Variants in FBN2 observed in about 807,000 individuals in gnomAD.
FBN2 encodes fibrillin-2.
A neutral mutation model predicts 355.6 loss-of-function variants in FBN2; 105 were observed. The observed-to-expected ratio is 0.30, with a 90% CI of 0.25 to 0.35. The LOEUF is 0.35. Ranked by LOEUF, FBN2 falls within the 10% of genes least tolerant of loss-of-function variation. FBN2 has a pLI of 1.00. For synonymous variants in FBN2, 1,350 were observed against 1,301.2 expected, an observed-to-expected ratio of 1.04 and a Z score of -0.81; for missense variants, 3,280 against 3,758.7, an observed-to-expected ratio of 0.87 and a Z score of 3.33.
At chr5:128,342,649 A>G (rs568861802) in intron 25 of FBN2, among the ~76,000 whole-genome samples, 2 of 152,148 alleles carry the variant, frequency 1.3e-5, no homozygotes, top group Admixed American at 6.5e-5. Context: ...AAGGAGGGAA[A>G]AGAGGAGTTA....
intron 5 of FBN2, among the ~76,000 whole-genome samples, chr5:128,481,971 T>A (rs371609445): frequency 1.3e-5 from 2 of 152,194 alleles, no homozygotes; most frequent in African/African-American, 2.4e-5. Context: ...TATGTAATTA[T>A]ACATTTTGGG....
intron 5 of FBN2, among the ~76,000 whole-genome samples, chr5:128,510,227 T>C (rs1355136251): frequency 6.6e-6 from 1 of 151,978 alleles, no homozygotes; most frequent in Non-Finnish European, 1.5e-5. Flanking sequence ...ACACATAAAA[T>C]ACACTGACGA....
At chr5:128,309,480 A>C in intron 40 of FBN2, 81 bp from the exon 41 acceptor site, 1 of 1,215,072 alleles carries the variant, frequency 8.2e-7, no homozygotes, top group Non-Finnish European at 1.2e-6. Flanking sequence ...GTAGACATCA[A>C]GCTTTCCTGA....
At chr5:128,345,695 CTGG>C in intron 23 of FBN2, 111 bp from the exon 24 acceptor site, 1 of 960,168 alleles carries the variant, frequency 1.0e-6, no homozygotes, top group South Asian at 1.4e-5. Flanking sequence ...TTGCGGTGTA[CTGG>C]TGGGCAAGAT....
chr5:128,365,763 T>C (rs1357959992), intron 17 of FBN2, among the ~76,000 whole-genome samples: 2 of 151,126 alleles, frequency 1.3e-5, no homozygotes, highest in African/African-American at 4.8e-5. Flanking sequence ...AATGAATCTA[T>C]ATGTATATTA....
intron 15 of FBN2, among the ~76,000 whole-genome samples, chr5:128,370,514 C>A (rs1480815606): frequency 6.6e-6 from 1 of 152,148 alleles, no homozygotes; most frequent in Non-Finnish European, 1.5e-5. Flanking sequence ...GGAGTCAACT[C>A]AGAGAAACTT....
chr5:128,505,985 C>A lies in FBN2; in HGVS notation c.628+13288G>T, dbSNP rs150924570. Among the ~76,000 whole-genome samples the A allele has an allele frequency of 2.4e-3, 366 of 152,188 alleles. 3 individuals are homozygous for A. The highest frequency in any genetic ancestry group is 8.1e-3 in the African/African-American group (338 of 41,524). ...AATATAAGCTTTCATTTAGCTGGGG[C>A]AAATAAAGCGTGAAATAGCCTAATC... On this transcript the variant is annotated intron_variant, in intron 5 of 64. Transcript: ENST00000262464.
At chr5:128,314,628 T>C (rs1243097104) in intron 36 of FBN2, among the ~76,000 whole-genome samples, 1 of 152,164 alleles carries the variant, frequency 6.6e-6, no homozygotes, top group African/African-American at 2.4e-5. Flanking sequence ...ATTAGGTTTA[T>C]TTATTCCTCA....
intron 4 of FBN2, among the ~76,000 whole-genome samples, chr5:128,520,315 T>C (rs538070737): frequency 6.6e-6 from 1 of 152,288 alleles, no homozygotes; most frequent in East Asian, 1.9e-4. Flanking sequence ...TGAAGACAGC[T>C]GAATTCAAGA....
intron 19 of FBN2, among the ~76,000 whole-genome samples, chr5:128,359,288 A>G (rs921900736): frequency 5.3e-5 from 8 of 152,086 alleles, no homozygotes; most frequent in Non-Finnish European, 1.2e-4. Flanking sequence ...AAGATTTGCA[A>G]TGAATCTGCT....
At chr5:128,368,794 C>A (rs1267235478) in intron 16 of FBN2, among the ~76,000 whole-genome samples, 3 of 151,844 alleles carry the variant, frequency 2.0e-5, no homozygotes, top group Admixed American at 6.6e-5. Flanking sequence ...CCTCAGCCCC[C>A]CTAGTAGCTG....
chr5:128,391,394 G>A (rs1752505620), intron 11 of FBN2, among the ~76,000 whole-genome samples: 1 of 152,080 alleles, frequency 6.6e-6, no homozygotes, highest in African/African-American at 2.4e-5. Flanking sequence ...TTGCAAAAAT[G>A]TAAAACAACG....
intron 19 of FBN2, among the ~76,000 whole-genome samples, chr5:128,360,773 A>G (rs545374372): frequency 1.3e-5 from 2 of 151,900 alleles, no homozygotes; most frequent in South Asian, 2.1e-4. Context: ...CTTTTTGCAT[A>G]CTATTACTAC....
At chr5:128,416,899 T>A (rs1016040080) in intron 7 of FBN2, among the ~76,000 whole-genome samples, 2 of 152,196 alleles carry the variant, frequency 1.3e-5, no homozygotes, top group Non-Finnish European at 2.9e-5. Flanking sequence ...ATGACATTCA[T>A]ATTTTGATAG....
At chr5:128,435,269 T>G (rs1400625229) in intron 7 of FBN2, among the ~76,000 whole-genome samples, 1 of 152,182 alleles carries the variant, frequency 6.6e-6, no homozygotes, top group Non-Finnish European at 1.5e-5. Context: ...TTTTCTCATC[T>G]CATGATAGAC....
intron 5 of FBN2, among the ~76,000 whole-genome samples, chr5:128,472,780 A>C (rs1754901946): frequency 6.8e-6 from 1 of 147,338 alleles, no homozygotes; most frequent in African/African-American, 2.7e-5. Flanking sequence ...AACAAGAGCA[A>C]AACTCCGTCT....
chr5:128,354,262 T>A lies in FBN2; in HGVS notation c.2674+3014A>T, dbSNP rs191761005. On this transcript the variant is annotated intron_variant, in intron 20 of 64. Transcript: ENST00000262464. Reference sequence around the variant, plus strand: ...GAGAAAAACATTCCTGCCAGATAGATCAGTGGACTTCAGGTGGGCATGTGT... The same window carrying A: ...GAGAAAAACATTCCTGCCAGATAGAACAGTGGACTTCAGGTGGGCATGTGT... Among the ~76,000 whole-genome samples the A allele has an allele frequency of 2.6e-4, 39 of 152,120 alleles. No homozygotes were observed. In the East Asian group the frequency reaches 5.6e-3, roughly 22 times the overall value.
chr5:128,406,925 G>T (rs1271527247), intron 8 of FBN2, among the ~76,000 whole-genome samples: 1 of 152,196 alleles, frequency 6.6e-6, no homozygotes, highest in African/African-American at 2.4e-5. Context: ...TAGTTTATCT[G>T]CTCAGTTATA....
chr5:128,396,028 G>T (rs1405373780), intron 8 of FBN2, among the ~76,000 whole-genome samples: 1 of 152,192 alleles, frequency 6.6e-6, no homozygotes, highest in Non-Finnish European at 1.5e-5. Flanking sequence ...CAGTGAGGAG[G>T]ACACTGAAGA....
Sources: gnomAD v4.1 joint callset for allele counts (sites outside exome capture counted in the v4.1 genomes callset) on GRCh38, gnomAD v4.1.1 for gene constraint, MANE v1.5 for transcripts, NCBI Gene and HGNC (gene_info 2026-07-23, HGNC 2026-07-21) for gene names.